The following SHPRH variants were observed in gnomAD, a reference collection of about 807,000 sequenced individuals.
The protein encoded by SHPRH is SNF2 histone linker PHD RING helicase.
Under a neutral mutation model 202.5 loss-of-function variants are expected in SHPRH, and 106 were observed. That is an observed-to-expected ratio of 0.52 (90% CI 0.45 to 0.62). SHPRH has a LOEUF of 0.62. Among genes scored for constraint, SHPRH ranks in the 20% least tolerant of loss-of-function variants. The pLI, the probability that SHPRH is intolerant of heterozygous loss-of-function variation, is 0.00. For synonymous variants in SHPRH, 729 were observed against 686.0 expected (o/e 1.06, Z -0.98); for missense variants, 1,710 against 2,020.0 (o/e 0.85, Z 2.94).
intron 11 of SHPRH, 71 bp from the exon 12 acceptor site, chr6:145,935,512 A>G (rs1785975749): frequency 1.4e-6 from 2 of 1,441,380 alleles, no homozygotes; most frequent in Non-Finnish European, 1.9e-6. Context: ...AAGCTTTTCT[A>G]CAGACATTAC....
At chr6:145,947,736 T>G in intron 5 of SHPRH, 93 bp from the exon 6 acceptor site, 1 of 1,416,946 alleles carries the variant, frequency 7.1e-7, no homozygotes, top group Non-Finnish European at 9.6e-7. Flanking sequence ...CTGGAAGCAA[T>G]GCATAAAGTC....
At chr6:145,881,703 G>A (rs1780581026), downstream of SHPRH, 1 of 151,978 alleles carries the variant, frequency 6.6e-6, no homozygotes, top group African/African-American at 2.4e-5. Context: ...TCCTTTTTAT[G>A]TAATGATGGT....
In SHPRH at chr6:145,946,161, C is replaced by A. The variant is rs540042756; in HGVS notation, c.1321+72G>T. 3.6e-5 allele frequency: 39 copies of A among 1,093,276 alleles called. No homozygotes were observed. The African/African-American group carries it at 5.9e-4, about 17-fold the overall frequency. 67.7% of individuals were successfully genotyped at this position (1,093,276 alleles called of 1,614,324 possible). A position where few individuals can be genotyped will look rare whatever the true frequency, so the allele number is the denominator to read the frequency against. On this transcript the variant is annotated intron_variant, in intron 7 of 29. Coordinates refer to ENST00000275233, the MANE Select transcript of SHPRH (RefSeq NM_001042683.3). ...ATTGTTTATAACAATTACAAGATAT[C>A]TCTAAGGATTGCAAGAACTCTAGCA... is the stretch of plus-strand genomic sequence containing the variant.
chr6:145,954,396 A>G (rs1006461034), intron 2 of SHPRH, among the ~76,000 whole-genome samples: 4 of 152,164 alleles, frequency 2.6e-5, no homozygotes, highest in Non-Finnish European at 5.9e-5. Context: ...GAAGCATTTG[A>G]AAAGGCAAAA....
intron 3 of SHPRH, chr6:145,951,894 A>T (rs1349470294): frequency 2.2e-6 from 1 of 455,988 alleles, no homozygotes; most frequent in Admixed American, 2.3e-5. Context: ...GACAACTCTG[A>T]ATCTGCAGTC....
Position 145,894,082 on chromosome 6 carries a change from G to A in SHPRH, c.4695+68C>T, listed in dbSNP as rs184204908. ...GGCATGAGACAATAAATGTAAGTAA[G>A]CTAGTTAACAGCAGTTTAAATTTGC... On this transcript the variant is annotated intron_variant, in intron 27 of 29. Coordinates refer to ENST00000275233, the MANE Select transcript of SHPRH (RefSeq NM_001042683.3). 216 of 1,123,146 alleles carry A rather than the reference G, an allele frequency of 1.9e-4. 1 individual carries two copies. The East Asian group carries it at 5.5e-3, about 29-fold the overall frequency. 69.6% of individuals were successfully genotyped at this position (1,123,146 alleles called of 1,614,324 possible).
In SHPRH at chr6:145,886,307, T is replaced by C. The variant is rs908970572; in HGVS notation, c.*384A>G. On this transcript the variant is annotated 3_prime_UTR_variant, in exon 30 of 30. Coordinates refer to ENST00000275233, the MANE Select transcript of SHPRH (RefSeq NM_001042683.3). ...AAGGCCCTTCCAAAACTGAGATCTA[T>C]GTTTGTTCAATATACCAGGTCATAT... 1.1e-5 allele frequency: 6 copies of C among 560,598 alleles called. No individual in the cohort carries two copies. Among genetic ancestry groups the C allele is most frequent in the Non-Finnish European group, 1.6e-5 (5 of 303,120 alleles). The allele number at this position is 560,598 out of a possible 1,614,324, so 34.7% of individuals were successfully genotyped here.
intron 14 of SHPRH, 71 bp from the exon 15 acceptor site, chr6:145,927,348 A>G (rs1175827435): frequency 7.7e-7 from 1 of 1,290,642 alleles, no homozygotes; most frequent in Non-Finnish European, 1.1e-6. Context: ...CTAGTTGTCC[A>G]TTATTTAAGA....
chr6:145,925,336 C>T lies in SHPRH; in HGVS notation c.3295-490G>A, dbSNP rs1280980052. On this transcript the variant is annotated intron_variant, in intron 16 of 29. Transcript: ENST00000275233. ...CCTAAGAAAGTAGATTTTAAATGTT[C>T]TCACTACACACACACACACACACAC... Among the ~76,000 whole-genome samples, 3 of 74,820 alleles carry T rather than the reference C, an allele frequency of 4.0e-5. 1 individual carries two copies. The highest frequency in any genetic ancestry group is 1.3e-4 in the African/African-American group (3 of 22,868). 49.1% of individuals were successfully genotyped at this position (74,820 alleles called of 152,430 possible). A position where few individuals can be genotyped will look rare whatever the true frequency, so the allele number is the denominator to read the frequency against.
intron 1 of SHPRH, among the ~76,000 whole-genome samples, chr6:145,959,882 A>G (rs1788914629): frequency 6.6e-6 from 1 of 152,238 alleles, no homozygotes; most frequent in South Asian, 2.1e-4. Flanking sequence ...GGAATAATAT[A>G]GAAAGCTCTT....
At chr6:145,943,917 T>C in intron 8 of SHPRH, 115 bp from the exon 9 acceptor site, 3 of 999,710 alleles carry the variant, frequency 3.0e-6, no homozygotes, top group Non-Finnish European at 4.3e-6. Context: ...TTGCTACCCT[T>C]TTCCCTGAGG....
In SHPRH at chr6:145,941,798, T is replaced by C. The variant is rs746494970; in HGVS notation, c.2315A>G (p.Tyr772Cys). The C allele has an allele frequency of 1.2e-6, 2 of 1,614,028 alleles. No individual in the cohort carries two copies. Among genetic ancestry groups the C allele is most frequent in the Non-Finnish European group, 1.7e-6 (2 of 1,179,982 alleles). Reference sequence around the variant, plus strand: ...ATTTAATTCTGAACGCAGTACATCATAGGTAATGATAACTATATCCTGTTC... The same window carrying C: ...ATTTAATTCTGAACGCAGTACATCACAGGTAATGATAACTATATCCTGTTC... ...LAEQDIVIITYDVLRSELNYV... is the reference protein window; with the variant it reads ...LAEQDIVIITCDVLRSELNYV... The change falls in exon 10 of 30, where the codon TAT (tyrosine) becomes TGT (cysteine). Residue 772 changes from tyrosine (Y) to cysteine (C), a missense_variant. Physicochemically the swap from Tyr to Cys is radical, Grantham distance 194. This residue lies in a region of SHPRH where 277 missense variants were observed against 363.0 expected (regional missense o/e 0.76). Transcript: ENST00000275233.
downstream of SHPRH, among the ~76,000 whole-genome samples, chr6:145,860,017 T>G (rs1444903254): frequency 6.6e-6 from 1 of 152,064 alleles, no homozygotes; most frequent in Non-Finnish European, 1.5e-5. Flanking sequence ...ACTGCTAACA[T>G]CATTTTGAAA....
intron 7 of SHPRH, 44 bp from the exon 8 acceptor site, chr6:145,945,681 T>A (rs767839064): frequency 1.3e-6 from 2 of 1,526,938 alleles, no homozygotes; most frequent in Non-Finnish European, 1.7e-6. Flanking sequence ...ATAATTAAAA[T>A]GAAAAGAAAG....
chr6:145,931,899 T>G (rs899144597), intron 14 of SHPRH, among the ~76,000 whole-genome samples: 1 of 151,904 alleles, frequency 6.6e-6, no homozygotes, highest in African/African-American at 2.4e-5. Context: ...TCTTTTTTTT[T>G]TTTTTCCTTT....
rs1373419687 is a variant in SHPRH at position 145,910,732 on chromosome 6, T to C, written c.4327-96A>G. 6 of 1,165,672 alleles carry C rather than the reference T, an allele frequency of 5.1e-6. No individual in the cohort carries two copies. The African/African-American group carries it at 7.7e-5, about 15-fold the overall frequency. The allele number at this position is 1,165,672 out of a possible 1,614,324, so 72.2% of individuals were successfully genotyped here. A position where few individuals can be genotyped will look rare whatever the true frequency, so the allele number is the denominator to read the frequency against. On this transcript the variant is annotated intron_variant, in intron 24 of 29. Coordinates refer to ENST00000275233, the MANE Select transcript of SHPRH (RefSeq NM_001042683.3). ...GATTCGCAATTTTTCCTCCTAAAGA[T>C]TTCATAACATTAATATTCTTTGTCA...
intron 2 of SHPRH, among the ~76,000 whole-genome samples, chr6:145,866,811 A>C (rs557877865): frequency 1.3e-5 from 2 of 152,334 alleles, no homozygotes; most frequent in Admixed American, 1.3e-4. Flanking sequence ...CCAGAGATTC[A>C]GGGAACAAAA....
intron 25 of SHPRH, chr6:145,909,889 A>G (rs1783334716): frequency 6.6e-6 from 1 of 152,296 alleles, no homozygotes; most frequent in East Asian, 1.9e-4. Context: ...ATATCACATT[A>G]TAGTAATTTT....
intron 2 of SHPRH, among the ~76,000 whole-genome samples, chr6:145,953,384 T>G (rs1298798716): frequency 6.6e-6 from 1 of 152,038 alleles, no homozygotes; most frequent in Non-Finnish European, 1.5e-5. Flanking sequence ...CAGAATAGAT[T>G]AACACTTGGT....
Sources: gnomAD v4.1 joint callset for allele counts (sites outside exome capture counted in the v4.1 genomes callset) on GRCh38, gnomAD v4.1.1 for gene constraint, gnomAD v4.1.1 regional missense constraint, MANE v1.5 for transcripts, NCBI Gene and HGNC (gene_info 2026-07-23, HGNC 2026-07-21) for gene names.